The following ERI3 variants were observed in gnomAD, a reference collection of about 807,000 sequenced individuals.
ERI3 encodes the protein ERI1 exoribonuclease family member 3.
ERI3 carries 18 observed loss-of-function variants against 44.4 expected under a neutral mutation model. That is an observed-to-expected ratio of 0.41 (90% CI 0.28 to 0.60). The LOEUF is 0.60. Among genes scored for constraint, ERI3 ranks in the 20% least tolerant of loss-of-function variants. The pLI is 0.36. For missense variants in ERI3, 294 were observed against 435.5 expected, an observed-to-expected ratio of 0.68 and a Z score of 2.89; for synonymous variants, 183 against 164.8, an observed-to-expected ratio of 1.11 and a Z score of -0.84.
intron 7 of ERI3, among the ~76,000 whole-genome samples, chr1:44,274,812 C>G (rs574989785): frequency 6.6e-6 from 1 of 152,264 alleles, no homozygotes; most frequent in East Asian, 1.9e-4. Flanking sequence ...GGCTGCTCTC[C>G]CACTCACTCT....
intron 7 of ERI3, among the ~76,000 whole-genome samples, chr1:44,248,285 C>G (rs1644597197): frequency 6.6e-6 from 1 of 152,126 alleles, no homozygotes; most frequent in South Asian, 2.1e-4. Context: ...GTGCCCCTCA[C>G]CAGGACTCCT....
chr1:44,352,122 T>C (rs1371025002), intron 2 of ERI3, among the ~76,000 whole-genome samples: 2 of 152,206 alleles, frequency 1.3e-5, no homozygotes, highest in Non-Finnish European at 1.5e-5. Flanking sequence ...CCCTTAGCTA[T>C]TGAACAAACA....
intron 7 of ERI3, among the ~76,000 whole-genome samples, chr1:44,248,505 C>G (rs1037337015): frequency 6.6e-6 from 1 of 152,148 alleles, no homozygotes; most frequent in Non-Finnish European, 1.5e-5. Flanking sequence ...ACTCCACAGA[C>G]AGAAATGTTG....
chr1:44,308,493 A>G, intron 5 of ERI3, 92 bp from the exon 6 acceptor site: 2 of 988,354 alleles, frequency 2.0e-6, no homozygotes. Flanking sequence ...AGCTGCTTGT[A>G]ATCAGAACAG....
At chr1:44,278,477 GAAAAAAA>G (rs746101806) in intron 7 of ERI3, among the ~76,000 whole-genome samples, 56 of 80,050 alleles carry the variant, frequency 7.0e-4, no homozygotes, top group African/African-American at 2.4e-3. Context: ...ACTGTCTCAG[GAAAAAAA>G]AAAAAAAAAA....
At chr1:44,286,339 C>T (rs1005235338) in intron 6 of ERI3, among the ~76,000 whole-genome samples, 1 of 152,262 alleles carries the variant, frequency 6.6e-6, no homozygotes, top group Non-Finnish European at 1.5e-5. Flanking sequence ...GCAATAAGCA[C>T]TCGATGTCTG....
At chr1:44,251,739 C>T (rs1437010588) in intron 7 of ERI3, among the ~76,000 whole-genome samples, 1 of 152,190 alleles carries the variant, frequency 6.6e-6, no homozygotes, top group Non-Finnish European at 1.5e-5. Context: ...GTGGCTGGGA[C>T]AGCCAAATTA....
At chr1:44,281,258 C>G (rs1372119002) in intron 7 of ERI3, among the ~76,000 whole-genome samples, 1 of 152,114 alleles carries the variant, frequency 6.6e-6, no homozygotes, top group East Asian at 1.9e-4. Flanking sequence ...TCCCCAGGCC[C>G]TCACACAGTA....
chr1:44,352,320 C>T (rs1390759313), intron 2 of ERI3, among the ~76,000 whole-genome samples: 1 of 152,174 alleles, frequency 6.6e-6, no homozygotes, highest in Non-Finnish European at 1.5e-5. Context: ...TGTAGTGGCA[C>T]ATGCCTGTAG....
chr1:44,264,150 G>C (rs946433097), intron 7 of ERI3, among the ~76,000 whole-genome samples: 1 of 152,164 alleles, frequency 6.6e-6, no homozygotes, highest in South Asian at 2.1e-4. Context: ...TCTTCGGTGC[G>C]ACTGCTCAGC....
intron 6 of ERI3, among the ~76,000 whole-genome samples, chr1:44,288,075 G>T (rs1481999050): frequency 6.6e-6 from 1 of 152,172 alleles, no homozygotes; most frequent in Non-Finnish European, 1.5e-5. Flanking sequence ...TGCCTAGGAA[G>T]GGTCTAGGTC....
chr1:44,282,598 C>T (rs1163584718), intron 7 of ERI3, among the ~76,000 whole-genome samples: 1 of 152,208 alleles, frequency 6.6e-6, no homozygotes, highest in African/African-American at 2.4e-5. Flanking sequence ...GCCCCTGGGC[C>T]TCCAGACTCA....
intron 7 of ERI3, among the ~76,000 whole-genome samples, chr1:44,279,742 TCTTCCTTC>T (rs1238788339): frequency 1.3e-5 from 2 of 152,250 alleles, no homozygotes; most frequent in East Asian, 3.8e-4. Context: ...CATCATGGTC[TCTTCCTTC>T]ATCCTCAACC....
chr1:44,293,342 T>C lies in ERI3; in HGVS notation c.759-8435A>G, dbSNP rs1431505187. Among the ~76,000 whole-genome samples, 4 of 152,296 alleles carry C rather than the reference T, an allele frequency of 2.6e-5. No individual in the cohort carries two copies. The East Asian group carries it at 7.7e-4, about 29-fold the overall frequency. On this transcript the variant is annotated intron_variant, in intron 6 of 8. Transcript: ENST00000372257. Reference sequence around the variant, plus strand: ...AGCCTCTCACTTTGTCTTGCCACCATTACCCTTCCACATCTCATCAAGGTC... The same window carrying C: ...AGCCTCTCACTTTGTCTTGCCACCACTACCCTTCCACATCTCATCAAGGTC...
At chr1:44,267,632 T>G (rs553128643) in intron 7 of ERI3, among the ~76,000 whole-genome samples, 67 of 152,304 alleles carry the variant, frequency 4.4e-4, no homozygotes, top group African/African-American at 1.5e-3. Context: ...AACACACCAC[T>G]GGGGAGGCCT....
chr1:44,266,217 G>A (rs1572148419), intron 7 of ERI3, among the ~76,000 whole-genome samples: 2 of 152,192 alleles, frequency 1.3e-5, no homozygotes, highest in African/African-American at 4.8e-5. Context: ...TGGGAAACTG[G>A]AAAAGTCTTC....
intron 8 of ERI3, among the ~76,000 whole-genome samples, chr1:44,231,700 G>C (rs1031775424): frequency 2.0e-5 from 3 of 152,300 alleles, no homozygotes; most frequent in Non-Finnish European, 4.4e-5. Flanking sequence ...TCTGCTGGCA[G>C]AGCCCACTAC....
At chr1:44,353,829 C>A in intron 1 of ERI3, 1 of 985,320 alleles carries the variant, frequency 1.0e-6, no homozygotes, top group Non-Finnish European at 1.2e-6. Context: ...CAGTGAAGCA[C>A]CACAGAATCT....
At chr1:44,247,874 G>A (rs1644587840) in intron 8 of ERI3, 65 bp downstream of exon 8, 1 of 1,330,924 alleles carries the variant, frequency 7.5e-7, no homozygotes, top group Admixed American at 1.8e-5. Flanking sequence ...ATGTGCCTGG[G>A]GACTGGGGCA....
Sources: gnomAD v4.1 joint callset for allele counts (sites outside exome capture counted in the v4.1 genomes callset) on GRCh38, gnomAD v4.1.1 for gene constraint, MANE v1.5 for transcripts, NCBI Gene and HGNC (gene_info 2026-07-23, HGNC 2026-07-21) for gene names.